Variants in PLXND1 observed in about 807,000 individuals in gnomAD.
PLXND1 encodes the protein plexin D1, also known as plexin-D1.
A neutral mutation model predicts 197.7 loss-of-function variants in PLXND1; 54 were observed. The ratio of observed to expected loss-of-function variants is 0.27; its 90% CI spans 0.22 to 0.34. The LOEUF (loss-of-function observed/expected upper bound fraction) is 0.34, where lower values mean the gene tolerates loss of function less well. Ranked by LOEUF, PLXND1 falls within the 10% of genes least tolerant of loss-of-function variation. The probability of loss-of-function intolerance (pLI) is 1.00; values close to 1 mark genes in which losing one functional copy is unlikely to be tolerated. For missense variants in PLXND1, 2,127 were observed against 2,699.2 expected (o/e 0.79, Z 4.70); for synonymous variants, 1,180 against 1,161.2 (o/e 1.02, Z -0.33).
Position 129,570,897 on chromosome 3 carries a change from G to A in PLXND1, c.3639C>T (p.Tyr1213=), listed in dbSNP as rs1474065376. The A allele has an allele frequency of 6.2e-7, 1 of 1,614,202 alleles. No homozygotes were observed. The highest frequency in any genetic ancestry group is 1.7e-5 in the Admixed American group (1 of 60,028). The change falls in exon 19 of 36, where the codon TAC becomes TAT. Residue 1213 remains tyrosine, a synonymous_variant. Coordinates refer to ENST00000324093, the MANE Select transcript of PLXND1 (RefSeq NM_015103.3). ...AGCTTACTTGGCCTATCTTGACCCG[G>A]TACTCGTGACTCTGGAGCCCCAGGC... ...QDSLGLQSHE[Y]RVKIGQVSCD...
chr3:129,578,239 G>A, intron 9 of PLXND1, 90 bp downstream of exon 9: 1 of 792,316 alleles, frequency 1.3e-6, no homozygotes, highest in Non-Finnish European at 2.2e-6. Flanking sequence ...CCAGAGCAGG[G>A]GTCACACCAG....
intron 20 of PLXND1, chr3:129,569,457 G>A (rs2085191015): frequency 1.0e-5 from 2 of 197,614 alleles, no homozygotes; most frequent in Admixed American, 1.0e-4. Flanking sequence ...GCTACATCGA[G>A]TCTATTACTT....
rs1371557882 is a variant in PLXND1 at position 129,571,309 on chromosome 3, G to A, written c.3337-6C>T. On this transcript the variant is annotated splice_region_variant and splice_polypyrimidine_tract_variant and intron_variant, in intron 17 of 35. Transcript: ENST00000324093. Reference sequence around the variant, plus strand: ...GAGTTGAGAACCTTGCAGAGCTGGTGCAGGAGAGCCAGGGGCCCAGGCCGG... The same window carrying A: ...GAGTTGAGAACCTTGCAGAGCTGGTACAGGAGAGCCAGGGGCCCAGGCCGG... 3 of 1,610,154 alleles carry A rather than the reference G, an allele frequency of 1.9e-6. No homozygotes were observed. Among genetic ancestry groups the A allele is most frequent in the Admixed American group, 3.4e-5 (2 of 59,210 alleles).
chr3:129,559,424 A>C (rs1188055408), intron 32 of PLXND1, 196 bp downstream of exon 32: 2 of 534,368 alleles, frequency 3.7e-6, no homozygotes, highest in Non-Finnish European at 6.6e-6. Context: ...CCCACCATTA[A>C]CATGGGTCGC....
At chr3:129,584,593 T>G (rs2811462) in intron 5 of PLXND1, 31 bp from the exon 6 acceptor site, 389,314 of 1,571,646 alleles carry the variant, frequency 0.25, 52,689 homozygotes, top group East Asian at 0.6. Context: ...GCTCTGGGGG[T>G]CCAGGCTATG....
rs1329929321 is a variant in PLXND1 at position 129,585,992 on chromosome 3, G to A, written c.1811C>T (p.Thr604Ile). The A allele has an allele frequency of 1.2e-6, 2 of 1,613,954 alleles. No homozygotes were observed. The highest frequency in any genetic ancestry group is 1.7e-6 in the Non-Finnish European group (2 of 1,180,032). ...CACATCGATCTCGGAAGGCAGGACG[G>A]TCATGGCAGGACAGCGGCTGGGGCC... Reference protein sequence around the residue: ...SEGPSRCPAMTVLPSEIDVRQ... With the variant: ...SEGPSRCPAMIVLPSEIDVRQ... The change falls in exon 5 of 36, where the codon ACC becomes ATC. Residue 604 changes from threonine to isoleucine, a missense_variant. Around this residue, in one of 6 missense-constraint regions of PLXND1, gnomAD observed 1,095 missense variants for 1,259.8 expected, o/e 0.87. Coordinates refer to ENST00000324093, the MANE Select transcript of PLXND1 (RefSeq NM_015103.3).
intron 18 of PLXND1, 40 bp downstream of exon 18, chr3:129,571,000 C>T (rs1373164565): frequency 1.9e-6 from 3 of 1,612,852 alleles, no homozygotes; most frequent in Non-Finnish European, 2.5e-6. Context: ...CTGAGGCTGG[C>T]TCGCTTGCCC....
chr3:129,562,673 A>G (rs2085078736), intron 27 of PLXND1, 114 bp downstream of exon 27: 1 of 966,096 alleles, frequency 1.0e-6, no homozygotes. Flanking sequence ...GGATCCTCTC[A>G]GTGTCCCCAC....
chr3:129,568,329 A>G (rs1300942448), intron 20 of PLXND1, among the ~76,000 whole-genome samples: 1 of 152,212 alleles, frequency 6.6e-6, no homozygotes, highest in East Asian at 1.9e-4. Flanking sequence ...GTATTAAAAT[A>G]TCTATTAATA....
At chr3:129,594,410 G>A (rs967410104) in intron 1 of PLXND1, among the ~76,000 whole-genome samples, 2 of 152,158 alleles carry the variant, frequency 1.3e-5, no homozygotes, top group African/African-American at 4.8e-5. Flanking sequence ...CCTGAAGCCT[G>A]GAGGTCAAGG....
At chr3:129,590,527 G>A (rs1023309908) in intron 1 of PLXND1, among the ~76,000 whole-genome samples, 1 of 152,156 alleles carries the variant, frequency 6.6e-6, no homozygotes, top group African/African-American at 2.4e-5. Flanking sequence ...CGTCCATCAT[G>A]GCTTATCATC....
At chr3:129,572,317 C>G (rs534492770) in intron 15 of PLXND1, among the ~76,000 whole-genome samples, 13 of 152,360 alleles carry the variant, frequency 8.5e-5, no homozygotes, top group Non-Finnish European at 1.9e-4. Context: ...TCACCACACC[C>G]CTGGGCCAGC....
intron 15 of PLXND1, 70 bp from the exon 16 acceptor site, chr3:129,571,914 C>G (rs889466496): frequency 4.2e-6 from 6 of 1,435,660 alleles, no homozygotes; most frequent in African/African-American, 1.4e-5. Flanking sequence ...GCCCCTGAGA[C>G]CTGGGGCACA....
chr3:129,570,969 A>G lies in PLXND1; in HGVS notation c.3601-34T>C, dbSNP rs1209510646. The G allele has an allele frequency of 2.5e-6, 4 of 1,613,774 alleles. No homozygotes were observed. In the East Asian group the frequency reaches 8.9e-5, roughly 36 times the overall value. On this transcript the variant is annotated intron_variant, in intron 18 of 35. Transcript: ENST00000324093. ...GCAAAGGGGGAGGATGCTCATGGGG[A>G]AGTGCTCCCGAGGCCCACAGCTGAG...
At chr3:129,603,659 C>T (rs1194107680) in intron 1 of PLXND1, among the ~76,000 whole-genome samples, 2 of 152,204 alleles carry the variant, frequency 1.3e-5, no homozygotes, top group Admixed American at 6.5e-5. Flanking sequence ...TCAGGGTGGC[C>T]GGCCAGATGG....
rs1381979180 is a variant in PLXND1, at chr3:129,585,282, AG to A, written c.1851+669del. Among the ~76,000 whole-genome samples, 8 of 152,328 alleles carry A rather than the reference AG, an allele frequency of 5.3e-5. No homozygotes were observed. The East Asian group carries it at 1.5e-3, about 29-fold the overall frequency. ...CAGAGCCGGGCTGTCAGAGCCCCCC[AG>A]GGTGAGAGAAGAGGACCCTCATCCT... On this transcript the variant is annotated intron_variant, in intron 5 of 35. Transcript: ENST00000324093.
At chr3:129,592,515 G>A (rs2085558551) in intron 1 of PLXND1, among the ~76,000 whole-genome samples, 1 of 152,190 alleles carries the variant, frequency 6.6e-6, no homozygotes, top group South Asian at 2.1e-4. Context: ...TGGGGTCCTG[G>A]GAAAAGGCGG....
chr3:129,558,879 A>G lies in PLXND1; in HGVS notation c.5298-304T>C, dbSNP rs748337745. ...TAGAACCAGGTGCCGGCCCCCGGGC[A>G]CCCCTGGCTCCTCCCTGAACCCTTG... On this transcript the variant is annotated intron_variant, in intron 32 of 35. Coordinates refer to ENST00000324093, the MANE Select transcript of PLXND1 (RefSeq NM_015103.3). The surrounding 1 kb of genome is among the most constrained non-coding windows in gnomAD (Gnocchi z 4.1). Among the ~76,000 whole-genome samples, 11 of 151,990 alleles carry G rather than the reference A, an allele frequency of 7.2e-5. No homozygotes were observed. The highest frequency in any genetic ancestry group is 1.3e-4 in the Non-Finnish European group (9 of 67,970).
At chr3:129,571,885 C>T (rs772025808) in intron 15 of PLXND1, 41 bp from the exon 16 acceptor site, 1 of 1,538,498 alleles carries the variant, frequency 6.5e-7, no homozygotes, top group Non-Finnish European at 8.8e-7. Context: ...CTGCCTTCTG[C>T]TGCTCACCCA....
Sources: gnomAD v4.1 joint callset for allele counts (sites outside exome capture counted in the v4.1 genomes callset) on GRCh38, gnomAD v4.1.1 for gene constraint, gnomAD v4.1.1 regional missense constraint, Gnocchi (gnomAD v3.1) non-coding constraint, MANE v1.5 for transcripts, NCBI Gene and HGNC (gene_info 2026-07-23, HGNC 2026-07-21) for gene names.